The following IGSF5 variants were observed in gnomAD, a reference collection of about 807,000 sequenced individuals.
The protein encoded by IGSF5 is immunoglobulin superfamily 5 like.
In IGSF5, 41 loss-of-function variants were observed where a neutral mutation model predicts 39.4. The ratio of observed to expected loss-of-function variants is 1.04; its 90% CI spans 0.81 to 1.35. The LOEUF (loss-of-function observed/expected upper bound fraction) is 1.35, where lower values mean the gene tolerates loss of function less well. Ranked by LOEUF, IGSF5 falls within the 40% of genes most tolerant of loss-of-function variation. The probability of loss-of-function intolerance (pLI) is 0.00; values close to 1 mark genes in which losing one functional copy is unlikely to be tolerated. For missense variants in IGSF5, 487 were observed against 494.6 expected (o/e 0.98, Z 0.15); for synonymous variants, 183 against 175.3 (o/e 1.04, Z -0.34).
At chr21:39,750,737 A>C (rs1052674493) in intron 2 of IGSF5, among the ~76,000 whole-genome samples, 1 of 141,604 alleles carries the variant, frequency 7.1e-6, no homozygotes, top group Non-Finnish European at 1.6e-5. Flanking sequence ...CACCCTCGGG[A>C]CTTTTTTCTT....
intron 6 of IGSF5, chr21:39,791,775 A>G (rs1255297967): frequency 1.6e-5 from 7 of 427,548 alleles, no homozygotes; most frequent in Admixed American, 3.8e-5. Flanking sequence ...ACTGGGGAGT[A>G]GAGTCCATGG....
At chr21:39,757,535 G>A (rs2080037471) in intron 2 of IGSF5, among the ~76,000 whole-genome samples, 2 of 150,900 alleles carry the variant, frequency 1.3e-5, no homozygotes, top group African/African-American at 4.9e-5. Flanking sequence ...CACACCAGGG[G>A]TTTCTGTTTC....
At position 39,779,219 on chromosome 21, in the gene IGSF5, T is replaced by C. The variant is rs774372928; in HGVS notation, c.848T>C (p.Leu283Pro). ...ATGCTTCTGACGCCGACGTGTACTCTTACAATACGCTGCTGCTGCTGCCGC... is the reference window on the plus strand; with the variant it reads ...ATGCTTCTGACGCCGACGTGTACTCCTACAATACGCTGCTGCTGCTGCCGC... ...GTMLLTPTCT[L>P]TIRCCCCRRR... The change falls in exon 5 of 9, where the codon CTT becomes CCT. Residue 283 changes from leucine (L) to proline (P), a missense_variant. Transcript: ENST00000380588. The C allele has an allele frequency of 6.2e-7, 1 of 1,614,182 alleles. No individual in the cohort carries two copies. Among genetic ancestry groups the C allele is most frequent in the South Asian group, 1.1e-5 (1 of 91,082 alleles).
chr21:39,770,048 T>C (rs990108823), intron 3 of IGSF5, among the ~76,000 whole-genome samples: 2 of 27,302 alleles, frequency 7.3e-5, no homozygotes, highest in African/African-American at 3.2e-4. Flanking sequence ...GAACCAAGAT[T>C]GGGAACAAAT....
At chr21:39,764,615 C>A (rs2080076891) in intron 2 of IGSF5, among the ~76,000 whole-genome samples, 1 of 152,204 alleles carries the variant, frequency 6.6e-6, no homozygotes, top group South Asian at 2.1e-4. Flanking sequence ...GCTGGGATTA[C>A]AGGTGTGAAC....
intron 5 of IGSF5, among the ~76,000 whole-genome samples, chr21:39,787,598 A>G (rs898815061): frequency 2.7e-5 from 4 of 146,400 alleles, no homozygotes; most frequent in African/African-American, 5.0e-5. Flanking sequence ...AACTGTATCA[A>G]TTGATACCAT....
chr21:39,735,710 C>T, the IGSF5 span, among the ~76,000 whole-genome samples: 163 of 152,254 alleles, frequency 1.1e-3, no homozygotes, highest in Non-Finnish European at 6.5e-4. Flanking sequence ...AAAGAACACG[C>T]ATATATATGC....
intron 7 of IGSF5, among the ~76,000 whole-genome samples, chr21:39,792,770 T>A (rs566937722): frequency 1.3e-5 from 2 of 152,062 alleles, no homozygotes; most frequent in Non-Finnish European, 2.9e-5. Context: ...AGAGTGATAA[T>A]GCAGTGAGGG....
intron 2 of IGSF5, among the ~76,000 whole-genome samples, chr21:39,758,286 GC>G (rs1490208257): frequency 2.0e-5 from 3 of 152,000 alleles, no homozygotes; most frequent in Non-Finnish European, 4.4e-5. Context: ...CTTCTGTGGG[GC>G]CCATTTCCTC....
chr21:39,756,546 G>A (rs1216086931), intron 2 of IGSF5, among the ~76,000 whole-genome samples: 7 of 152,176 alleles, frequency 4.6e-5, no homozygotes, highest in African/African-American at 7.2e-5. Flanking sequence ...CTGGAGGGAC[G>A]GGTGGACGAG....
chr21:39,791,815 A>G (rs1231657410), intron 6 of IGSF5, 193 bp from the exon 7 acceptor site: 1 of 527,786 alleles, frequency 1.9e-6, no homozygotes, highest in Non-Finnish European at 3.4e-6. Flanking sequence ...TCTCCCCATA[A>G]TGGGAATGTG....
chr21:39,754,142 C>A (rs1401565415), intron 2 of IGSF5, among the ~76,000 whole-genome samples: 1 of 152,168 alleles, frequency 6.6e-6, no homozygotes, highest in Non-Finnish European at 1.5e-5. Flanking sequence ...ACTTCTGTTT[C>A]AAGATTTAGA....
At chr21:39,743,818 C>T (rs539435600), upstream of IGSF5, among the ~76,000 whole-genome samples, 1 of 152,298 alleles carries the variant, frequency 6.6e-6, no homozygotes, top group South Asian at 2.1e-4. Flanking sequence ...ATACTTCCCT[C>T]AGGAGGCCAG....
the IGSF5 span, among the ~76,000 whole-genome samples, chr21:39,738,907 A>G: frequency 6.6e-6 from 1 of 151,458 alleles, no homozygotes; most frequent in Non-Finnish European, 1.5e-5. This position sits in a 1 kb window ranked among gnomAD's most constrained non-coding sequence, Gnocchi z 6.4. Flanking sequence ...TTTTGTTTTG[A>G]GACAGGATCT....
chr21:39,770,841 A>AT, intron 3 of IGSF5, 75 bp from the exon 4 acceptor site: 1 of 1,088,678 alleles, frequency 9.2e-7, no homozygotes, highest in Non-Finnish European at 1.2e-6. Flanking sequence ...AAAAAAAAAA[A>AT]GAAAAAAAAA....
intron 4 of IGSF5, among the ~76,000 whole-genome samples, chr21:39,776,818 G>T (rs1421830021): frequency 6.6e-6 from 1 of 152,166 alleles, no homozygotes; most frequent in Non-Finnish European, 1.5e-5. Context: ...ATGCCAGTGA[G>T]AATTTCAAGC....
chr21:39,732,698 A>G, the IGSF5 span, among the ~76,000 whole-genome samples: 9 of 152,202 alleles, frequency 5.9e-5, no homozygotes, highest in African/African-American at 1.9e-4. Context: ...TTTGACATAT[A>G]ATTCTAATTA....
At chr21:39,747,012 C>G (rs2079978671) in intron 2 of IGSF5, among the ~76,000 whole-genome samples, 1 of 152,174 alleles carries the variant, frequency 6.6e-6, no homozygotes, top group African/African-American at 2.4e-5. Flanking sequence ...CTTTCTCCTG[C>G]CTAGGCTAAG....
At chr21:39,726,378 A>G in the IGSF5 span, among the ~76,000 whole-genome samples, 2 of 152,216 alleles carry the variant, frequency 1.3e-5, no homozygotes, top group African/African-American at 4.8e-5. Context: ...AGGCTGGGAT[A>G]GTGGCATGTG....
Sources: gnomAD v4.1 joint callset for allele counts (sites outside exome capture counted in the v4.1 genomes callset) on GRCh38, gnomAD v4.1.1 for gene constraint, Gnocchi (gnomAD v3.1) non-coding constraint, MANE v1.5 for transcripts, NCBI Gene and HGNC (gene_info 2026-07-23, HGNC 2026-07-21) for gene names.